Variants in BMPR1B observed in about 807,000 individuals in gnomAD.
The protein encoded by BMPR1B is bone morphogenetic protein receptor type 1B, also known as bone morphogenetic protein receptor type-1B.
Under a neutral mutation model 59.1 loss-of-function variants are expected in BMPR1B, and 12 were observed. The ratio of observed to expected loss-of-function variants is 0.20; its 90% CI spans 0.13 to 0.33. BMPR1B has a LOEUF of 0.33. Ranked by LOEUF, BMPR1B falls within the 10% of genes least tolerant of loss-of-function variation. The pLI, the probability that BMPR1B is intolerant of heterozygous loss-of-function variation, is 1.00. For missense variants in BMPR1B, 550 were observed against 610.9 expected (o/e 0.90, Z 1.05); for synonymous variants, 237 against 207.3 (o/e 1.14, Z -1.23).
chr4:95,125,907 A>T, intron 8 of BMPR1B, among the ~76,000 whole-genome samples: 1 of 152,022 alleles, frequency 6.6e-6, no homozygotes, highest in East Asian at 1.9e-4. Context: ...TGCCTTCCTG[A>T]CGTCTCCTCC....
At chr4:94,968,079 C>A (rs1162377357) in intron 2 of BMPR1B, among the ~76,000 whole-genome samples, 1 of 152,164 alleles carries the variant, frequency 6.6e-6, no homozygotes, top group African/African-American at 2.4e-5. Context: ...ACTTTACATT[C>A]AGGGACTTTT....
At chr4:94,816,747 T>C (rs1724024554) in intron 1 of BMPR1B, among the ~76,000 whole-genome samples, 1 of 152,204 alleles carries the variant, frequency 6.6e-6, no homozygotes. Context: ...GTAACATAAC[T>C]TAGAAGGCAG....
At chr4:94,862,102 A>T (rs896837613) in intron 1 of BMPR1B, among the ~76,000 whole-genome samples, 2 of 124,618 alleles carry the variant, frequency 1.6e-5, no homozygotes, top group African/African-American at 8.2e-5. Context: ...AAAAGCCTTT[A>T]AAAAAAAAAA....
intron 3 of BMPR1B, among the ~76,000 whole-genome samples, chr4:95,037,330 G>A (rs1725330886): frequency 1.3e-5 from 2 of 152,174 alleles, no homozygotes; most frequent in South Asian, 4.2e-4. Flanking sequence ...AGAAATATAA[G>A]GTGGTCATTC....
chr4:95,089,779 A>C (rs1356579942), intron 3 of BMPR1B, among the ~76,000 whole-genome samples: 5 of 152,078 alleles, frequency 3.3e-5, no homozygotes, highest in Non-Finnish European at 7.4e-5. Context: ...TCTTCCTACA[A>C]ATCAAAGCAA....
chr4:95,019,659 ACCT>A (rs1723829853), intron 3 of BMPR1B, among the ~76,000 whole-genome samples: 1 of 152,052 alleles, frequency 6.6e-6, no homozygotes, highest in African/African-American at 2.4e-5. Context: ...GTCGAAAAAC[ACCT>A]CCTTGGCTGT....
intron 3 of BMPR1B, among the ~76,000 whole-genome samples, chr4:95,078,080 C>T (rs984943909): frequency 2.1e-4 from 32 of 152,140 alleles, no homozygotes; most frequent in African/African-American, 7.2e-4. Flanking sequence ...GATACAGATA[C>T]TTAGCAGTAC....
chr4:94,856,668 G>T (rs1347571299), intron 1 of BMPR1B, among the ~76,000 whole-genome samples: 1 of 152,166 alleles, frequency 6.6e-6, no homozygotes, highest in African/African-American at 2.4e-5. Flanking sequence ...CATTGAAAAG[G>T]GATGTCTATA....
At chr4:94,992,698 G>C (rs1336405371) in intron 2 of BMPR1B, among the ~76,000 whole-genome samples, 1 of 152,136 alleles carries the variant, frequency 6.6e-6, no homozygotes, top group Non-Finnish European at 1.5e-5. Flanking sequence ...GTGTTTTACA[G>C]TTCTGTGGGC....
intron 2 of BMPR1B, among the ~76,000 whole-genome samples, chr4:94,948,490 A>G (rs550976596): frequency 1.3e-5 from 2 of 152,328 alleles, no homozygotes; most frequent in East Asian, 3.9e-4. Context: ...ACAAATGAGT[A>G]AGTAATGCTT....
intron 3 of BMPR1B, among the ~76,000 whole-genome samples, chr4:95,043,739 TG>T (rs1281748177): frequency 1.3e-5 from 2 of 152,188 alleles, no homozygotes. Flanking sequence ...GAACACAGTT[TG>T]GGGCTTATTT....
intron 2 of BMPR1B, among the ~76,000 whole-genome samples, chr4:94,984,049 A>G (rs139287642): frequency 6.6e-6 from 1 of 152,352 alleles, no homozygotes; most frequent in East Asian, 1.9e-4. Context: ...AGTAATTTTT[A>G]ATAGAATAAA....
At chr4:95,082,450 A>G (rs1200862117) in intron 3 of BMPR1B, among the ~76,000 whole-genome samples, 1 of 151,938 alleles carries the variant, frequency 6.6e-6, no homozygotes, top group Non-Finnish European at 1.5e-5. Context: ...TCCCCTCATC[A>G]TTTGTAAAAT....
At position 95,116,421 on chromosome 4, in the gene BMPR1B, G is replaced by GCGCGCGCACACACACACACACACACA; in HGVS notation, c.349+635_349+636insGCGCGCACACACACACACACACACAC. Among the ~76,000 whole-genome samples, 95 of 123,242 alleles carry GCGCGCGCACACACACACACACACACA rather than the reference G, an allele frequency of 7.7e-4. 1 individual carries two copies. The highest frequency in any genetic ancestry group is 3.2e-3 in the African/African-American group (88 of 27,850). The allele number at this position is 123,242 out of a possible 152,430, so 80.9% of individuals were successfully genotyped here. ...CTCCTCCTCCATGCTTTCAGCGCGC[G>GCGCGCGCACACACACACACACACACA]CACACACACACACACACACACACAC... On this transcript the variant is annotated intron_variant, in intron 6 of 12. Transcript: ENST00000515059.
At chr4:94,955,533 T>C (rs954357166) in intron 2 of BMPR1B, among the ~76,000 whole-genome samples, 3 of 152,192 alleles carry the variant, frequency 2.0e-5, no homozygotes, top group Admixed American at 2.0e-4. Context: ...ATAATGTTAA[T>C]ACTAATAGTC....
chr4:94,922,520 C>A (rs1728742752), intron 2 of BMPR1B, among the ~76,000 whole-genome samples: 1 of 152,098 alleles, frequency 6.6e-6, no homozygotes, highest in Non-Finnish European at 1.5e-5. Flanking sequence ...AATGTTTTAG[C>A]ACTATTATTT....
At chr4:94,918,227 A>C (rs547000910) in intron 2 of BMPR1B, among the ~76,000 whole-genome samples, 1 of 152,056 alleles carries the variant, frequency 6.6e-6, no homozygotes, top group Non-Finnish European at 1.5e-5. Context: ...TTTATTCTCT[A>C]ATTTTTCTCA....
At chr4:94,867,719 T>C (rs2148964108) in intron 1 of BMPR1B, among the ~76,000 whole-genome samples, 1 of 152,374 alleles carries the variant, frequency 6.6e-6, no homozygotes, top group East Asian at 1.9e-4. Context: ...TTGAAAATAC[T>C]GGTCTTTGAA....
intron 1 of BMPR1B, among the ~76,000 whole-genome samples, chr4:94,868,491 C>CT (rs1412720032): frequency 6.6e-6 from 1 of 152,148 alleles, no homozygotes; most frequent in African/African-American, 2.4e-5. Context: ...GAATGCCTTA[C>CT]TTTTTTATTC....
Sources: allele counts gnomAD v4.1 joint callset (sites outside exome capture counted in the v4.1 genomes callset), GRCh38; gene constraint gnomAD v4.1.1; transcripts MANE v1.5; gene names NCBI Gene and HGNC (gene_info 2026-07-23, HGNC 2026-07-21).